CELF4: variants seen among roughly 807,000 people sequenced by gnomAD.
The protein encoded by CELF4 is CUG-BP- and ETR-3-like factor 4.
A neutral mutation model predicts 59.9 loss-of-function variants in CELF4; 18 were observed. That is an observed-to-expected ratio of 0.30 (90% confidence interval 0.21 to 0.45). CELF4 has a LOEUF of 0.45. CELF4 is among the 20% of genes least tolerant of loss of function. The pLI is 1.00. For missense variants in CELF4, 456 were observed against 689.0 expected, an observed-to-expected ratio of 0.66 and a Z score of 3.79; for synonymous variants, 261 against 267.1, an observed-to-expected ratio of 0.98 and a Z score of 0.22.
At chr18:37,377,502 C>T (rs933955085) in intron 2 of CELF4, among the ~76,000 whole-genome samples, 4 of 152,192 alleles carry the variant, frequency 2.6e-5, no homozygotes, top group African/African-American at 9.7e-5. Context: ...ATGCTCTGGC[C>T]CCAGATGCAG....
intron 2 of CELF4, among the ~76,000 whole-genome samples, chr18:37,419,968 T>A (rs541309047): frequency 6.6e-6 from 1 of 152,318 alleles, no homozygotes; most frequent in East Asian, 1.9e-4. Flanking sequence ...ACTCCGGGGT[T>A]CTGGCAGCTA....
chr18:37,351,891 C>T (rs1482955940), intron 2 of CELF4, among the ~76,000 whole-genome samples: 3 of 152,104 alleles, frequency 2.0e-5, no homozygotes, highest in African/African-American at 7.2e-5. Flanking sequence ...GCTGGGATTA[C>T]AGGCGTGAGC....
chr18:37,423,740 C>T (rs1220643888), intron 2 of CELF4, among the ~76,000 whole-genome samples: 5 of 152,090 alleles, frequency 3.3e-5, no homozygotes, highest in Non-Finnish European at 1.5e-5. Flanking sequence ...GGAAGCCTCC[C>T]TAGGCTCCCT....
intron 1 of CELF4, among the ~76,000 whole-genome samples, chr18:37,564,911 G>A (rs1230219383): frequency 1.3e-5 from 2 of 152,050 alleles, no homozygotes; most frequent in Non-Finnish European, 2.9e-5. Context: ...AGCAAAGGAT[G>A]AGGAGACCAC....
In CELF4 at chr18:37,414,123, G is replaced by T. The variant is rs769062551; in HGVS notation, c.369+71402C>A. Among the ~76,000 whole-genome samples the T allele has an allele frequency of 4.6e-5, 7 of 152,226 alleles. No individual in the cohort carries two copies. In the South Asian group the frequency reaches 1.2e-3, roughly 27 times the overall value. On this transcript the variant is annotated intron_variant, in intron 2 of 12. Coordinates refer to ENST00000420428, the MANE Select transcript of CELF4 (RefSeq NM_020180.4). ...ACCATGAAGGCAGGGCAGGGATTCG[G>T]CAAACACTTGCTCATTGACTGAAAA...
chr18:37,308,030 G>A lies in CELF4; in HGVS notation c.448+13773C>T, dbSNP rs148413958. ...AGGCAGCAGGTCCTGGGCAGGGCAGGGATGGCTTTGGGGCATACATTTCAT... is the reference window on the plus strand; with the variant it reads ...AGGCAGCAGGTCCTGGGCAGGGCAGAGATGGCTTTGGGGCATACATTTCAT... On this transcript the variant is annotated intron_variant, in intron 3 of 12. Transcript: ENST00000420428. Among the ~76,000 whole-genome samples the A allele has an allele frequency of 1.4e-4, 22 of 152,114 alleles. No individual in the cohort carries two copies. The East Asian group carries it at 4.3e-3, about 29-fold the overall frequency.
chr18:37,378,120 C>T (rs1307722470), intron 2 of CELF4, among the ~76,000 whole-genome samples: 1 of 152,198 alleles, frequency 6.6e-6, no homozygotes, highest in Non-Finnish European at 1.5e-5. Context: ...TCCCACTCAC[C>T]TTGCCCACAG....
chr18:37,409,509 C>T (rs2099416659), intron 2 of CELF4, among the ~76,000 whole-genome samples: 1 of 152,168 alleles, frequency 6.6e-6, no homozygotes, highest in Non-Finnish European at 1.5e-5. Context: ...TCTGCTCATC[C>T]CTTGTGTATC....
At chr18:37,298,131 G>A (rs1398796080) in intron 3 of CELF4, among the ~76,000 whole-genome samples, 3 of 152,230 alleles carry the variant, frequency 2.0e-5, no homozygotes, top group Non-Finnish European at 2.9e-5. Flanking sequence ...AGGAGGCTGG[G>A]GTCTCAACCC....
chr18:37,463,761 T>C (rs891317026), intron 2 of CELF4, among the ~76,000 whole-genome samples: 8 of 152,228 alleles, frequency 5.3e-5, no homozygotes, highest in African/African-American at 1.4e-4. Flanking sequence ...TCCCAGCTCC[T>C]GGCCTGCGGC....
intron 1 of CELF4, among the ~76,000 whole-genome samples, chr18:37,494,289 C>G (rs2099922371): frequency 6.6e-6 from 1 of 152,214 alleles, no homozygotes; most frequent in Non-Finnish European, 1.5e-5. Flanking sequence ...TATTGATGGC[C>G]TGTCCCCCTT....
At chr18:37,493,938 G>A (rs1490151875) in intron 1 of CELF4, among the ~76,000 whole-genome samples, 3 of 152,202 alleles carry the variant, frequency 2.0e-5, no homozygotes, top group Non-Finnish European at 4.4e-5. Flanking sequence ...GGCTCACTGT[G>A]ACTCTTTCTG....
rs190681940 is a variant in CELF4 at position 37,443,213 on chromosome 18, C to T, written c.369+42312G>A. Among the ~76,000 whole-genome samples, 22 of 152,232 alleles carry T rather than the reference C, an allele frequency of 1.4e-4. No homozygotes were observed. The East Asian group carries it at 3.5e-3, about 24-fold the overall frequency. ...ACGCCCTAGCCTGTCTCTGTCCCTCCGCCTCCTGAGACTTATTTCTTCTCC... is the reference window on the plus strand; with the variant it reads ...ACGCCCTAGCCTGTCTCTGTCCCTCTGCCTCCTGAGACTTATTTCTTCTCC... On this transcript the variant is annotated intron_variant, in intron 2 of 12. Coordinates refer to ENST00000420428, the MANE Select transcript of CELF4 (RefSeq NM_020180.4).
intron 2 of CELF4, among the ~76,000 whole-genome samples, chr18:37,409,541 G>GA (rs1277615800): frequency 6.6e-6 from 1 of 152,178 alleles, no homozygotes; most frequent in Admixed American, 6.5e-5. Context: ...ACGCTATTCT[G>GA]AAAAGTGGGT....
intron 6 of CELF4, chr18:37,273,540 A>G: frequency 9.9e-7 from 1 of 1,005,444 alleles, no homozygotes; most frequent in Non-Finnish European, 1.2e-6. Flanking sequence ...CACTTAGCAC[A>G]GGTTTCTGTC....
chr18:37,511,729 T>C (rs1233442582), intron 1 of CELF4, among the ~76,000 whole-genome samples: 1 of 152,006 alleles, frequency 6.6e-6, no homozygotes, highest in Admixed American at 6.6e-5. Context: ...TGGTTATCCT[T>C]TCCCTCACAC....
At chr18:37,387,438 C>T (rs1052550858) in intron 2 of CELF4, among the ~76,000 whole-genome samples, 1 of 152,208 alleles carries the variant, frequency 6.6e-6, no homozygotes, top group African/African-American at 2.4e-5. Context: ...ACCTCCAGCG[C>T]CCCTCTTCTC....
Position 37,266,565 on chromosome 18 carries a change from T to C in CELF4, c.1133A>G (p.Gln378Arg). The change falls in exon 9 of 13, where the codon CAG becomes CGG. Residue 378 changes from glutamine to arginine, a missense_variant. Coordinates refer to ENST00000420428, the MANE Select transcript of CELF4 (RefSeq NM_020180.4). Reference sequence around the variant, plus strand: ...ATACTGCTGCACTCCGGCGTAGGCCTGCTGCAGGGGGTCCGCGGCGGTGGG... The same window carrying C: ...ATACTGCTGCACTCCGGCGTAGGCCCGCTGCAGGGGGTCCGCGGCGGTGGG... Reference protein sequence around the residue: ...QSPTAADPLQQAYAGVQQYAG... With the variant: ...QSPTAADPLQRAYAGVQQYAG... 6.3e-7 allele frequency: 1 copy of C among 1,597,924 alleles called. No individual in the cohort carries two copies. Among genetic ancestry groups the C allele is most frequent in the Non-Finnish European group, 8.5e-7 (1 of 1,173,716 alleles).
Position 37,455,679 on chromosome 18 carries a change from C to T in CELF4, c.369+29846G>A, listed in dbSNP as rs1025628251. 3.9e-5 allele frequency among the ~76,000 whole-genome samples: 6 copies of T among 152,222 alleles called. No homozygotes were observed. The East Asian group carries it at 1.2e-3, about 29-fold the overall frequency. On this transcript the variant is annotated intron_variant, in intron 2 of 12. Coordinates refer to ENST00000420428, the MANE Select transcript of CELF4 (RefSeq NM_020180.4). ...GGAGGTGGATGGCAGATCCCTGCAG[C>T]AGATCTGCAGGACACACGCTTTTAG...
Sources: gnomAD v4.1 joint callset for allele counts (sites outside exome capture counted in the v4.1 genomes callset) on GRCh38, gnomAD v4.1.1 for gene constraint, MANE v1.5 for transcripts, NCBI Gene and HGNC (gene_info 2026-07-23, HGNC 2026-07-21) for gene names.